SPTBN1: variants seen among roughly 807,000 people sequenced by gnomAD.
The protein encoded by SPTBN1 is spectrin beta chain, non-erythrocytic 1.
In SPTBN1, 32 loss-of-function variants were observed where a neutral mutation model predicts 266.4. The ratio of observed to expected loss-of-function variants is 0.12; its 90% CI spans 0.09 to 0.16. The LOEUF (loss-of-function observed/expected upper bound fraction) is 0.16, where lower values mean the gene tolerates loss of function less well. Among genes scored for constraint, SPTBN1 ranks in the 10% least tolerant of loss-of-function variants. SPTBN1 has a pLI of 1.00. For synonymous variants in SPTBN1, 1,336 were observed against 1,162.2 expected (o/e 1.15, Z -3.04); for missense variants, 2,296 against 3,067.1 (o/e 0.75, Z 5.94).
chr2:54,469,376 C>T (rs955938559), intron 1 of SPTBN1, among the ~76,000 whole-genome samples: 5 of 152,064 alleles, frequency 3.3e-5, no homozygotes, highest in Non-Finnish European at 7.4e-5. Context: ...TGGCCTTCTT[C>T]TGGGGTTTAA....
chr2:54,655,398 T>C (rs1372795830), intron 28 of SPTBN1, among the ~76,000 whole-genome samples, 190 bp downstream of exon 28: 1 of 152,186 alleles, frequency 6.6e-6, no homozygotes, highest in Non-Finnish European at 1.5e-5. Flanking sequence ...CTGGTAAATC[T>C]CTGGCACAGA....
chr2:54,498,215 C>T (rs1452632198), intron 1 of SPTBN1, among the ~76,000 whole-genome samples: 1 of 152,198 alleles, frequency 6.6e-6, no homozygotes, highest in African/African-American at 2.4e-5. Context: ...TAAGTGCTTC[C>T]ACTGGGTGGA....
intron 1 of SPTBN1, among the ~76,000 whole-genome samples, chr2:54,485,775 T>C (rs1273890291): frequency 6.8e-6 from 1 of 146,330 alleles, no homozygotes; most frequent in Non-Finnish European, 1.5e-5. Context: ...CCATCACATC[T>C]AGGAAGTGAG....
intron 2 of SPTBN1, among the ~76,000 whole-genome samples, chr2:54,570,271 C>T (rs1673967374): frequency 1.3e-5 from 2 of 152,174 alleles, no homozygotes; most frequent in South Asian, 4.1e-4. Context: ...TCAAGAGGCA[C>T]AAGACCTTTA....
At chr2:54,506,647 A>G (rs924642184) in intron 1 of SPTBN1, among the ~76,000 whole-genome samples, 1 of 152,174 alleles carries the variant, frequency 6.6e-6, no homozygotes, top group African/African-American at 2.4e-5. Flanking sequence ...GCTAGACACT[A>G]TATTTAGGGA....
chr2:54,492,687 G>A (rs948843819), intron 1 of SPTBN1, among the ~76,000 whole-genome samples: 7 of 152,092 alleles, frequency 4.6e-5, no homozygotes, highest in African/African-American at 1.4e-4. Context: ...GAGGACACAT[G>A]GACACGTCTC....
chr2:54,621,565 C>A (rs1677994628), intron 8 of SPTBN1, 53 bp downstream of exon 8: 1 of 1,409,780 alleles, frequency 7.1e-7, no homozygotes, highest in Non-Finnish European at 1.0e-6. Flanking sequence ...GTTAATTGAG[C>A]CCTCATTCTC....
chr2:54,632,663 A>G lies in SPTBN1; in HGVS notation c.3662A>G (p.Asn1221Ser), dbSNP rs138208973. The change falls in exon 17 of 36, where the codon AAT becomes AGT. Residue 1221 changes from asparagine (N) to serine (S), a missense_variant. Asn to Ser is a conservative substitution (Grantham distance 46). This residue lies in a region of SPTBN1 where 386 missense variants were observed against 486.1 expected (regional missense o/e 0.79). Coordinates refer to ENST00000356805, the MANE Select transcript of SPTBN1 (RefSeq NM_003128.3). Reference sequence around the variant, plus strand: ...GACTTCATGACCACCATGGACGCCAATGAGGAGAAGATCAATGCTGTGGTG... The same window carrying G: ...GACTTCATGACCACCATGGACGCCAGTGAGGAGAAGATCAATGCTGTGGTG... Reference protein sequence around the residue: ...QEDFMTTMDANEEKINAVVET... With the variant: ...QEDFMTTMDASEEKINAVVET... 21 of 1,614,116 alleles carry G rather than the reference A, an allele frequency of 1.3e-5. No homozygotes were observed. Among genetic ancestry groups the G allele is most frequent in the South Asian group, 2.2e-5 (2 of 91,092 alleles).
chr2:54,648,670 C>G (rs1016030141), intron 24 of SPTBN1, among the ~76,000 whole-genome samples: 1 of 152,156 alleles, frequency 6.6e-6, no homozygotes, highest in Non-Finnish European at 1.5e-5. Context: ...GAGAATTTTC[C>G]CCTTTCCCCG....
In SPTBN1 at chr2:54,599,017, T is replaced by G. The variant is rs149248573; in HGVS notation, c.149-75T>G. On this transcript the variant is annotated intron_variant, in intron 2 of 35. Transcript: ENST00000356805. ...GCTGACCTTCCTCTGGCTGGGGTCT[T>G]GTGGCCCTGCTAGCATGTGCCTGCT... is the stretch of plus-strand genomic sequence containing the variant. 7.0e-3 allele frequency: 10,879 copies of G among 1,552,662 alleles called. 36 individuals are homozygous for G. The highest frequency in any genetic ancestry group is 8.8e-3 in the Non-Finnish European group (10,082 of 1,142,814).
Position 54,644,368 on chromosome 2 carries a change from G to A in SPTBN1, c.4051G>A (p.Val1351Met), listed in dbSNP as rs1679784839. ...ISEKPETEAV[V>M]KEKLTGLHKM... ...AGAAAAGCCTGAGACGGAAGCTGTG[G>A]TGAAGGAGAAACTCACTGGTTTACA... The change falls in exon 20 of 36, where the codon GTG becomes ATG. Residue 1351 changes from valine (V) to methionine (M), a missense_variant. Physicochemically the swap from Val to Met is conservative, Grantham distance 21 (BLOSUM62 1). Transcript: ENST00000356805. The A allele has an allele frequency of 6.2e-7, 1 of 1,613,824 alleles. No individual in the cohort carries two copies. Among genetic ancestry groups the A allele is most frequent in the Admixed American group, 1.7e-5 (1 of 60,008 alleles).
intron 31 of SPTBN1, 37 bp downstream of exon 31, chr2:54,659,303 C>T (rs369648405): frequency 6.2e-7 from 1 of 1,603,270 alleles, no homozygotes; most frequent in Non-Finnish European, 8.5e-7. Flanking sequence ...GACCCTTAGC[C>T]TCGGTGGCCA....
intron 1 of SPTBN1, among the ~76,000 whole-genome samples, chr2:54,465,517 G>A (rs1693580302): frequency 6.6e-6 from 1 of 152,012 alleles, no homozygotes; most frequent in African/African-American, 2.4e-5. Flanking sequence ...TGGGAATATT[G>A]TAGGCTAAGA....
At chr2:54,507,982 ATAAGAG>A (rs1669664368) in intron 1 of SPTBN1, among the ~76,000 whole-genome samples, 2 of 152,274 alleles carry the variant, frequency 1.3e-5, no homozygotes, top group East Asian at 3.9e-4. Context: ...GGGAATGAGA[ATAAGAG>A]TAAGTATAAA....
At chr2:54,517,109 G>A (rs1670151876) in intron 1 of SPTBN1, among the ~76,000 whole-genome samples, 1 of 123,038 alleles carries the variant, frequency 8.1e-6, no homozygotes, top group South Asian at 2.7e-4. Context: ...TAAGGTCTGA[G>A]TTGATGTTAA....
chr2:54,649,585 C>G lies in SPTBN1; in HGVS notation c.5203-30C>G, dbSNP rs1680137347. ...AGAAATACAGAGTTCACAGTGGGCT[C>G]TCTGATTTCCTTACCCATCCCCGTT... On this transcript the variant is annotated intron_variant, in intron 25 of 35. Coordinates refer to ENST00000356805, the MANE Select transcript of SPTBN1 (RefSeq NM_003128.3). The surrounding 1 kb of genome is among the most constrained non-coding windows in gnomAD (Gnocchi z 6.7). 6.3e-7 allele frequency: 1 copy of G among 1,597,786 alleles called. No individual in the cohort carries two copies. The highest frequency in any genetic ancestry group is 8.6e-7 in the Non-Finnish European group (1 of 1,167,874).
chr2:54,620,936 A>G (rs1195590738), intron 7 of SPTBN1, among the ~76,000 whole-genome samples: 3 of 152,154 alleles, frequency 2.0e-5, no homozygotes, highest in Admixed American at 1.3e-4. Flanking sequence ...GGAGGGAGCC[A>G]TTGTTTCAGG....
At chr2:54,613,155 C>G (rs1197658534) in intron 4 of SPTBN1, among the ~76,000 whole-genome samples, 1 of 152,166 alleles carries the variant, frequency 6.6e-6, no homozygotes, top group Non-Finnish European at 1.5e-5. Context: ...GCTCATGCTT[C>G]GTACTCATGC....
At chr2:54,588,554 C>G (rs928338296) in intron 2 of SPTBN1, among the ~76,000 whole-genome samples, 2 of 152,152 alleles carry the variant, frequency 1.3e-5, no homozygotes. Flanking sequence ...GGGGGGATCC[C>G]AAAACCAGTC....
Sources: allele counts gnomAD v4.1 joint callset (sites outside exome capture counted in the v4.1 genomes callset), GRCh38; gene constraint gnomAD v4.1.1; regional missense constraint gnomAD v4.1.1; non-coding constraint Gnocchi (gnomAD v3.1); transcripts MANE v1.5; gene names NCBI Gene and HGNC (gene_info 2026-07-23, HGNC 2026-07-21).